CDC42SE2: variants seen among roughly 807,000 people sequenced by gnomAD.
The protein encoded by CDC42SE2 is CDC42 small effector protein 2.
Under a neutral mutation model 11.5 loss-of-function variants are expected in CDC42SE2, and 3 were observed. That is an observed-to-expected ratio of 0.26 (90% confidence interval 0.12 to 0.67). CDC42SE2 has a LOEUF of 0.67. CDC42SE2 is among the 30% of genes least tolerant of loss of function. The pLI, the probability that CDC42SE2 is intolerant of heterozygous loss-of-function variation, is 0.80. For synonymous variants in CDC42SE2, 33 were observed against 34.8 expected (o/e 0.95, Z 0.18); for missense variants, 82 against 106.8 (o/e 0.77, Z 1.02).
At chr5:131,365,835 A>T (rs1289281825) in intron 3 of CDC42SE2, among the ~76,000 whole-genome samples, 1 of 152,156 alleles carries the variant, frequency 6.6e-6, no homozygotes, top group African/African-American at 2.4e-5. Context: ...ACAAAAAATT[A>T]GCCGGGTGTG....
At chr5:131,241,306 C>T (rs992883987), upstream of CDC42SE2, among the ~76,000 whole-genome samples, 2 of 152,086 alleles carry the variant, frequency 1.3e-5, no homozygotes, top group Non-Finnish European at 2.9e-5. Context: ...CCTTATTTTG[C>T]TTGGTGCTTT....
At chr5:131,297,204 C>G (rs2149713486) in intron 1 of CDC42SE2, among the ~76,000 whole-genome samples, 1 of 144,722 alleles carries the variant, frequency 6.9e-6, no homozygotes, top group Middle Eastern at 3.7e-3. Context: ...GCAAAAATGG[C>G]TTCTTTCCAG....
chr5:131,342,388 CTTTTTTTTTTTT>C (rs35818778), intron 2 of CDC42SE2, among the ~76,000 whole-genome samples: 1 of 111,334 alleles, frequency 9.0e-6, no homozygotes, highest in African/African-American at 4.4e-5. Flanking sequence ...TTTTAATAGT[CTTTTTTTTTTTT>C]TTTTTTTAAG....
chr5:131,282,364 A>G (rs1387506639), intron 1 of CDC42SE2, among the ~76,000 whole-genome samples: 8 of 152,198 alleles, frequency 5.3e-5, no homozygotes, highest in Non-Finnish European at 1.2e-4. Flanking sequence ...AACAATAGCA[A>G]GTTTCTCTTA....
At chr5:131,312,348 G>C (rs1017000798) in intron 1 of CDC42SE2, among the ~76,000 whole-genome samples, 6 of 152,194 alleles carry the variant, frequency 3.9e-5, no homozygotes, top group Non-Finnish European at 7.3e-5. Flanking sequence ...TCTCTTCAAA[G>C]CTGTCAGACA....
chr5:131,345,698 C>T (rs1025974480), intron 2 of CDC42SE2, among the ~76,000 whole-genome samples: 1 of 151,592 alleles, frequency 6.6e-6, no homozygotes, highest in African/African-American at 2.4e-5. Flanking sequence ...ACATAATTGT[C>T]AGATTCACCA....
At position 131,355,267 on chromosome 5, in the gene CDC42SE2, G is replaced by A. The variant is rs1032371703; in HGVS notation, c.-285-3942G>A. On this transcript the variant is annotated intron_variant, in intron 2 of 4. Coordinates refer to ENST00000505065, the MANE Select transcript of CDC42SE2 (RefSeq NM_001375635.1). ...ATGCAGTATTTCATTTTATAACTAA[G>A]AAAACTGAGGGTAAGCCTGGGCAAC... Among the ~76,000 whole-genome samples, 4 of 152,062 alleles carry A rather than the reference G, an allele frequency of 2.6e-5. 1 individual carries two copies. Among genetic ancestry groups the A allele is most frequent in the Admixed American group, 2.6e-4 (4 of 15,264 alleles).
upstream of CDC42SE2, chr5:131,261,618 G>C (rs538631499): frequency 6.6e-6 from 1 of 152,414 alleles, no homozygotes; most frequent in Admixed American, 6.5e-5. Context: ...TTTGTGAGGC[G>C]AGGAGGGCGG....
chr5:131,303,096 TA>T (rs1580741331), intron 1 of CDC42SE2, among the ~76,000 whole-genome samples: 1 of 152,244 alleles, frequency 6.6e-6, no homozygotes, highest in East Asian at 1.9e-4. Context: ...TGAATGATTA[TA>T]TGCATTTCTT....
chr5:131,236,632 G>T, the CDC42SE2 span, among the ~76,000 whole-genome samples: 1 of 152,070 alleles, frequency 6.6e-6, no homozygotes, highest in East Asian at 1.9e-4. Flanking sequence ...TCACCATGTT[G>T]CCCAGGCTGG....
the CDC42SE2 span, among the ~76,000 whole-genome samples, chr5:131,214,353 C>T: frequency 6.6e-6 from 1 of 151,548 alleles, no homozygotes; most frequent in Non-Finnish European, 1.5e-5. Flanking sequence ...CCAGCCTGGG[C>T]AACACAGTGA....
chr5:131,357,119 C>G (rs1040030683), intron 2 of CDC42SE2, among the ~76,000 whole-genome samples: 2 of 152,096 alleles, frequency 1.3e-5, no homozygotes, highest in African/African-American at 4.8e-5. Flanking sequence ...AGTATTTACC[C>G]AATTCATTGG....
chr5:131,242,860 G>A (rs937249570), upstream of CDC42SE2, among the ~76,000 whole-genome samples: 3 of 152,126 alleles, frequency 2.0e-5, no homozygotes, highest in Non-Finnish European at 4.4e-5. Flanking sequence ...CCTCCCAGAA[G>A]GTTCAAGGGA....
intron 1 of CDC42SE2, among the ~76,000 whole-genome samples, chr5:131,264,635 C>T (rs760779303): frequency 3.3e-5 from 5 of 152,192 alleles, no homozygotes; most frequent in East Asian, 1.9e-4. Context: ...GCCTGAGGCG[C>T]CCGACGCGTT....
chr5:131,242,191 A>G (rs1183849458), upstream of CDC42SE2, among the ~76,000 whole-genome samples: 1 of 152,218 alleles, frequency 6.6e-6, no homozygotes, highest in African/African-American at 2.4e-5. Context: ...GCGAAATCTA[A>G]AGGACGGGTA....
chr5:131,225,198 T>C, the CDC42SE2 span, among the ~76,000 whole-genome samples: 1 of 152,160 alleles, frequency 6.6e-6, no homozygotes, highest in Non-Finnish European at 1.5e-5. Context: ...CATGACACTA[T>C]GTAACAACCT....
chr5:131,232,422 A>G, the CDC42SE2 span, among the ~76,000 whole-genome samples: 146 of 152,128 alleles, frequency 9.6e-4, no homozygotes, highest in African/African-American at 3.4e-3. Context: ...GCCTATACCT[A>G]TTCTTTTAGT....
At chr5:131,261,435 T>C (rs1375290277), upstream of CDC42SE2, 1 of 152,206 alleles carries the variant, frequency 6.6e-6, no homozygotes, top group Non-Finnish European at 1.5e-5. Flanking sequence ...TTATAAAAAA[T>C]CAAATTGTAA....
chr5:131,370,251 G>C (rs1213253609), intron 3 of CDC42SE2, among the ~76,000 whole-genome samples: 2 of 151,948 alleles, frequency 1.3e-5, no homozygotes, highest in Non-Finnish European at 2.9e-5. Flanking sequence ...TAAAGGAAAA[G>C]AAAAGAAACT....
Sources: allele counts gnomAD v4.1 joint callset (sites outside exome capture counted in the v4.1 genomes callset), GRCh38; gene constraint gnomAD v4.1.1; transcripts MANE v1.5; gene names NCBI Gene and HGNC (gene_info 2026-07-23, HGNC 2026-07-21).